Variants in ATXN7L1 observed in about 807,000 individuals in gnomAD.
The protein encoded by ATXN7L1 is ataxin-7-like protein 1.
In ATXN7L1, 15 loss-of-function variants were observed where a neutral mutation model predicts 70.8. The ratio of observed to expected loss-of-function variants is 0.21; its 90% CI spans 0.14 to 0.33. The LOEUF (loss-of-function observed/expected upper bound fraction) is 0.33, where lower values mean the gene tolerates loss of function less well. Ranked by LOEUF, ATXN7L1 falls within the 10% of genes least tolerant of loss-of-function variation. The pLI, the probability that ATXN7L1 is intolerant of heterozygous loss-of-function variation, is 1.00. For synonymous variants in ATXN7L1, 440 were observed against 445.1 expected (o/e 0.99, Z 0.14); for missense variants, 975 against 1,097.1 (o/e 0.89, Z 1.57).
Position 105,620,888 on chromosome 7 carries a change from G to GTT in ATXN7L1, c.1396-568_1396-567insAA, listed in dbSNP as rs371370446. On this transcript the variant is annotated intron_variant, in intron 8 of 11. Transcript: ENST00000419735. Reference sequence around the variant, plus strand: ...CCAGCCTGGGTGACAGGCTGAGACTGTCTCAGAGAAAAAAAAAAAAAAGAA... The same window carrying GTT: ...CCAGCCTGGGTGACAGGCTGAGACTGTTTCTCAGAGAAAAAAAAAAAAAAGAA... Among the ~76,000 whole-genome samples, 2 of 74,630 alleles carry GTT rather than the reference G, an allele frequency of 2.7e-5. 1 individual carries two copies. Among genetic ancestry groups the GTT allele is most frequent in the Non-Finnish European group, 5.3e-5 (2 of 37,526 alleles). The allele number at this position is 74,630 out of a possible 152,430, so 49.0% of individuals were successfully genotyped here. A position where few individuals can be genotyped will look rare whatever the true frequency, so the allele number is the denominator to read the frequency against.
intron 2 of ATXN7L1, among the ~76,000 whole-genome samples, chr7:105,792,499 G>C (rs562398490): frequency 6.6e-6 from 1 of 152,196 alleles, no homozygotes; most frequent in Non-Finnish European, 1.5e-5. Context: ...CAGGGAGGGA[G>C]GGCAGGGAGA....
At chr7:105,622,613 G>C (rs1052769947) in intron 8 of ATXN7L1, among the ~76,000 whole-genome samples, 1 of 152,170 alleles carries the variant, frequency 6.6e-6, no homozygotes, top group Non-Finnish European at 1.5e-5. Context: ...GTAATCAAGT[G>C]GGTCTCCTCC....
At chr7:105,744,735 C>CTTTT (rs11465151) in intron 3 of ATXN7L1, among the ~76,000 whole-genome samples, 33 of 117,102 alleles carry the variant, frequency 2.8e-4, no homozygotes, top group African/African-American at 1.0e-3. Flanking sequence ...TCTTTCTTTA[C>CTTTT]TTTTTTTTTT....
intron 3 of ATXN7L1, among the ~76,000 whole-genome samples, chr7:105,776,392 G>T: frequency 6.6e-6 from 1 of 152,012 alleles, no homozygotes; most frequent in East Asian, 1.9e-4. Context: ...TGTGGAATTT[G>T]GCTTATTCAT....
At chr7:105,641,251 A>C (rs1289460551) in intron 5 of ATXN7L1, among the ~76,000 whole-genome samples, 12 of 24,650 alleles carry the variant, frequency 4.9e-4, no homozygotes, top group Non-Finnish European at 8.4e-4. Flanking sequence ...TTTTAGCTTC[A>C]CTTAGAAAAA....
At chr7:105,751,308 A>G (rs1799185962) in intron 3 of ATXN7L1, among the ~76,000 whole-genome samples, 1 of 152,140 alleles carries the variant, frequency 6.6e-6, no homozygotes, top group Non-Finnish European at 1.5e-5. Flanking sequence ...CTGGATGCCT[A>G]TTCACAAACA....
intron 2 of ATXN7L1, among the ~76,000 whole-genome samples, chr7:105,796,873 C>T (rs983488556): frequency 3.1e-4 from 47 of 152,186 alleles, no homozygotes; most frequent in African/African-American, 1.1e-3. Flanking sequence ...ATTCATAGAA[C>T]AAAACAAGTT....
At chr7:105,692,047 A>T (rs975779874) in intron 3 of ATXN7L1, among the ~76,000 whole-genome samples, 1 of 152,190 alleles carries the variant, frequency 6.6e-6, no homozygotes. Flanking sequence ...AAAGAACTTA[A>T]ATTACAAAAG....
At chr7:105,787,325 G>A (rs967008749) in intron 3 of ATXN7L1, among the ~76,000 whole-genome samples, 1 of 152,152 alleles carries the variant, frequency 6.6e-6, no homozygotes, top group African/African-American at 2.4e-5. Flanking sequence ...CTGCAGGGAG[G>A]GGCAGAAGAC....
chr7:105,809,995 T>C (rs182830196), intron 2 of ATXN7L1, among the ~76,000 whole-genome samples: 11 of 152,262 alleles, frequency 7.2e-5, no homozygotes, highest in African/African-American at 2.6e-4. Context: ...TGGCCTCGAA[T>C]TCCAGGACTC....
chr7:105,814,971 A>C (rs1238380233), intron 2 of ATXN7L1, among the ~76,000 whole-genome samples: 1 of 152,228 alleles, frequency 6.6e-6, no homozygotes, highest in Non-Finnish European at 1.5e-5. Flanking sequence ...GAAACATATA[A>C]GAAATGGAAC....
At chr7:105,836,354 C>G (rs979956317) in intron 2 of ATXN7L1, among the ~76,000 whole-genome samples, 10 of 152,096 alleles carry the variant, frequency 6.6e-5, no homozygotes, top group East Asian at 1.9e-4. Context: ...TCAGGGTCAC[C>G]CAAACAACCA....
chr7:105,740,695 T>C (rs1346021596), intron 3 of ATXN7L1, among the ~76,000 whole-genome samples: 2 of 151,946 alleles, frequency 1.3e-5, no homozygotes, highest in Non-Finnish European at 2.9e-5. Flanking sequence ...ACATCCACCT[T>C]AGCAGCTTGT....
At position 105,643,046 on chromosome 7, in the gene ATXN7L1, G is replaced by T. The variant is rs201285335; in HGVS notation, c.654C>A (p.Asn218Lys). The T allele has an allele frequency of 7.8e-4, 1,202 of 1,550,794 alleles. No homozygotes were observed. Among genetic ancestry groups the T allele is most frequent in the Non-Finnish European group, 9.8e-4 (1,129 of 1,146,282 alleles). ...VKADGANVKMNSTTTTAVSAS... is the reference protein window; with the variant it reads ...VKADGANVKMKSTTTTAVSAS... ...CAGAAACTGCAGTAGTGGTTGTGGA[G>T]TTCATTTTGACATTGGCACCATCTG... The change falls in exon 5 of 12, where the codon AAC becomes AAA. Residue 218 changes from asparagine to lysine, a missense_variant. Around this residue, in one of 5 missense-constraint regions of ATXN7L1, gnomAD observed 192 missense variants for 215.5 expected, o/e 0.89. Transcript: ENST00000419735.
intron 2 of ATXN7L1, among the ~76,000 whole-genome samples, chr7:105,845,680 T>C (rs1255699908): frequency 6.6e-6 from 1 of 152,188 alleles, no homozygotes; most frequent in East Asian, 1.9e-4. Flanking sequence ...GTATCCAAGA[T>C]AGTGTGTTAC....
At chr7:105,865,861 C>T (rs1348587636) in intron 2 of ATXN7L1, among the ~76,000 whole-genome samples, 4 of 152,156 alleles carry the variant, frequency 2.6e-5, no homozygotes, top group Admixed American at 6.5e-5. Context: ...CCTCCCCCAG[C>T]CCCTGAATAC....
intron 2 of ATXN7L1, among the ~76,000 whole-genome samples, chr7:105,873,867 C>A (rs1442243887): frequency 6.6e-6 from 1 of 152,114 alleles, no homozygotes; most frequent in Non-Finnish European, 1.5e-5. Context: ...GTGGCTCATG[C>A]CTGTAATTCC....
intron 3 of ATXN7L1, among the ~76,000 whole-genome samples, chr7:105,769,419 G>C (rs1054581320): frequency 1.3e-5 from 2 of 152,132 alleles, no homozygotes; most frequent in Non-Finnish European, 2.9e-5. Context: ...GTTCGTGCTT[G>C]ACTCTCTTAT....
intron 4 of ATXN7L1, among the ~76,000 whole-genome samples, chr7:105,655,160 A>C (rs1022033494): frequency 2.3e-4 from 35 of 152,252 alleles, no homozygotes; most frequent in Admixed American, 2.0e-4. Context: ...ATTTACACCC[A>C]AGGAGCTGTC....
Sources: gnomAD v4.1 joint callset for allele counts (sites outside exome capture counted in the v4.1 genomes callset) on GRCh38, gnomAD v4.1.1 for gene constraint, gnomAD v4.1.1 regional missense constraint, MANE v1.5 for transcripts, NCBI Gene and HGNC (gene_info 2026-07-23, HGNC 2026-07-21) for gene names.